Variants in EYS observed in about 807,000 individuals in gnomAD.
EYS encodes the protein EGF-like photoreceptor maintenance factor.
A neutral mutation model predicts 282.1 loss-of-function variants in EYS; 250 were observed. The observed-to-expected ratio is 0.89, with a 90% CI of 0.80 to 0.98. The LOEUF (loss-of-function observed/expected upper bound fraction) is 0.98, where lower values mean the gene tolerates loss of function less well. Among genes scored for constraint, EYS ranks in the 50% least tolerant of loss-of-function variants. The probability of loss-of-function intolerance (pLI) is 0.00; values close to 1 mark genes in which losing one functional copy is unlikely to be tolerated. For missense variants in EYS, 4,016 were observed against 3,709.0 expected, an observed-to-expected ratio of 1.08 and a Z score of -2.15; for synonymous variants, 1,355 against 1,282.9, an observed-to-expected ratio of 1.06 and a Z score of -1.20.
chr6:65,020,165 A>T (rs1161903716), intron 13 of EYS, among the ~76,000 whole-genome samples: 1 of 152,116 alleles, frequency 6.6e-6, no homozygotes, highest in Non-Finnish European at 1.5e-5. Context: ...AAACACAATC[A>T]TGCCCTTACG....
intron 31 of EYS, among the ~76,000 whole-genome samples, chr6:64,133,058 A>G (rs1053586000): frequency 3.3e-5 from 5 of 152,040 alleles, no homozygotes; most frequent in Admixed American, 6.6e-5. Context: ...TCTAAATCCT[A>G]TAAATGTTTC....
intron 24 of EYS, among the ~76,000 whole-genome samples, chr6:64,595,936 C>A (rs545890425): frequency 1.3e-5 from 2 of 152,262 alleles, no homozygotes; most frequent in African/African-American, 2.4e-5. Context: ...GCTCTCAGTT[C>A]TGCAGGCTTT....
At chr6:63,898,175 C>T (rs62413012) in intron 35 of EYS, among the ~76,000 whole-genome samples, 12,773 of 152,208 alleles carry the variant, frequency 0.084, 723 homozygotes, top group Non-Finnish European at 0.12. Flanking sequence ...AACTAAATCA[C>T]AGCAGTTCTG....
chr6:64,498,457 T>C (rs968914987), intron 26 of EYS, among the ~76,000 whole-genome samples: 2 of 151,376 alleles, frequency 1.3e-5, no homozygotes, highest in South Asian at 2.1e-4. Flanking sequence ...AGCTCTTATA[T>C]ACTCATTTTT....
intron 37 of EYS, among the ~76,000 whole-genome samples, chr6:63,794,554 G>C (rs1770595963): frequency 6.6e-6 from 1 of 152,044 alleles, no homozygotes; most frequent in Non-Finnish European, 1.5e-5. Flanking sequence ...TCTTGTAATG[G>C]GACGTTCTTG....
chr6:64,018,360 G>T (rs919527291), intron 33 of EYS, among the ~76,000 whole-genome samples: 2 of 152,034 alleles, frequency 1.3e-5, no homozygotes, highest in East Asian at 1.9e-4. Flanking sequence ...ATATTCAGGG[G>T]TTTTTTGTTG....
chr6:64,371,261 T>A (rs1172516650), intron 29 of EYS, among the ~76,000 whole-genome samples: 1 of 152,084 alleles, frequency 6.6e-6, no homozygotes, highest in African/African-American at 2.4e-5. Context: ...CTGACTTATT[T>A]TTTTGTTTAC....
chr6:65,569,630 G>C (rs1163021468), intron 2 of EYS, among the ~76,000 whole-genome samples: 1 of 152,054 alleles, frequency 6.6e-6, no homozygotes, highest in Non-Finnish European at 1.5e-5. Flanking sequence ...TCTGCACTCA[G>C]TGGATCAGTT....
Position 65,063,313 on chromosome 6 carries a change from T to TA in EYS, c.2024-5587dup, listed in dbSNP as rs567617427. On this transcript the variant is annotated intron_variant, in intron 12 of 42. Coordinates refer to ENST00000503581, the MANE Select transcript of EYS (RefSeq NM_001142800.2). Reference sequence around the variant, plus strand: ...GATCACCATCAAATTCCTTTTTACATATATTTTGGTTTGTGGAATGTATTA... The same window carrying TA: ...GATCACCATCAAATTCCTTTTTACATAATATTTTGGTTTGTGGAATGTATTA... Among the ~76,000 whole-genome samples, 18 of 152,134 alleles carry TA rather than the reference T, an allele frequency of 1.2e-4. No individual in the cohort carries two copies. In the South Asian group the frequency reaches 3.7e-3, roughly 32 times the overall value.
intron 31 of EYS, among the ~76,000 whole-genome samples, chr6:64,153,228 G>T (rs759887022): frequency 6.6e-6 from 1 of 151,796 alleles, no homozygotes; most frequent in African/African-American, 2.4e-5. Flanking sequence ...GTGCATAGTC[G>T]CACATAAACA....
In EYS at chr6:63,984,588, T is replaced by C. The variant is rs1767268298; in HGVS notation, c.6850A>G (p.Met2284Val). The C allele has an allele frequency of 1.3e-6, 2 of 1,548,522 alleles. No individual in the cohort carries two copies. The highest frequency in any genetic ancestry group is 2.0e-5 in the Admixed American group (1 of 50,860). The change falls in exon 35 of 43, where the codon ATG becomes GTG. Residue 2284 changes from methionine (M) to valine (V), a missense_variant. Met to Val is a conservative substitution (Grantham distance 21). Transcript: ENST00000503581. The stretch of plus-strand genomic sequence containing the variant: ...TTTGCAGGAATATGGCCAAGGAACA[T>C]TGATTCAAAATATGCCTGTAGAAAA... ...SHASQAYFES[M>V]FLGHIPANVQ...
intron 29 of EYS, among the ~76,000 whole-genome samples, chr6:64,343,234 C>T (rs1771209285): frequency 6.6e-6 from 1 of 151,962 alleles, no homozygotes; most frequent in Non-Finnish European, 1.5e-5. Context: ...ACTCTCCACC[C>T]CAAATCAACA....
chr6:65,076,099 G>A (rs1039033626), intron 12 of EYS, among the ~76,000 whole-genome samples: 1 of 151,840 alleles, frequency 6.6e-6, no homozygotes, highest in East Asian at 1.9e-4. Context: ...ATTTTTGCTG[G>A]ACAGTTTTAA....
At chr6:65,017,146 G>A (rs1425608433) in intron 13 of EYS, among the ~76,000 whole-genome samples, 1 of 152,038 alleles carries the variant, frequency 6.6e-6, no homozygotes, top group Non-Finnish European at 1.5e-5. Flanking sequence ...ATCTAACAAT[G>A]ATTAGTGAGA....
chr6:64,890,977 G>A (rs1767272966), intron 18 of EYS, among the ~76,000 whole-genome samples: 1 of 151,600 alleles, frequency 6.6e-6, no homozygotes. Flanking sequence ...TTTCAACATT[G>A]CAAAAATATG....
chr6:64,632,880 T>A (rs886068665), intron 22 of EYS, among the ~76,000 whole-genome samples: 1 of 152,136 alleles, frequency 6.6e-6, no homozygotes, highest in Non-Finnish European at 1.5e-5. Flanking sequence ...TCTAAATTTT[T>A]AAAAATACAG....
At chr6:64,258,828 C>T (rs1362146226) in intron 30 of EYS, among the ~76,000 whole-genome samples, 1 of 151,960 alleles carries the variant, frequency 6.6e-6, no homozygotes, top group Non-Finnish European at 1.5e-5. Flanking sequence ...CCCATAGACA[C>T]CTAATTCAAC....
chr6:63,992,300 T>G (rs1767640340), intron 34 of EYS, among the ~76,000 whole-genome samples: 1 of 151,852 alleles, frequency 6.6e-6, no homozygotes, highest in African/African-American at 2.4e-5. Flanking sequence ...TGGTTTTTAT[T>G]CTGAAATATT....
chr6:64,028,203 T>G (rs1382058463), intron 33 of EYS, among the ~76,000 whole-genome samples: 3 of 152,216 alleles, frequency 2.0e-5, no homozygotes, highest in African/African-American at 7.2e-5. Context: ...TCCTGAAGTC[T>G]GGGCATTGGA....
Sources: gnomAD v4.1 joint callset for allele counts (sites outside exome capture counted in the v4.1 genomes callset) on GRCh38, gnomAD v4.1.1 for gene constraint, MANE v1.5 for transcripts, NCBI Gene and HGNC (gene_info 2026-07-23, HGNC 2026-07-21) for gene names.